NR4A1: variants seen among roughly 807,000 people sequenced by gnomAD.
The protein encoded by NR4A1 is nuclear receptor subfamily 4immunitygroup A member 1.
Under a neutral mutation model 47.5 loss-of-function variants are expected in NR4A1, and 24 were observed. The ratio of observed to expected loss-of-function variants is 0.50; its 90% CI spans 0.37 to 0.71. The LOEUF (loss-of-function observed/expected upper bound fraction) is 0.71, where lower values mean the gene tolerates loss of function less well. Among genes scored for constraint, NR4A1 ranks in the 30% least tolerant of loss-of-function variants. The pLI, the probability that NR4A1 is intolerant of heterozygous loss-of-function variation, is 0.00. For synonymous variants in NR4A1, 353 were observed against 345.7 expected (o/e 1.02, Z -0.24); for missense variants, 669 against 788.6 (o/e 0.85, Z 1.82).
intron 1 of NR4A1, among the ~76,000 whole-genome samples, chr12:52,028,627 C>T (rs995201158): frequency 3.3e-5 from 5 of 151,710 alleles, no homozygotes; most frequent in African/African-American, 9.7e-5. Context: ...AAGACCAGGC[C>T]AGGCGCGGTA....
At chr12:52,035,921 G>T (rs1201006455) in intron 1 of NR4A1, among the ~76,000 whole-genome samples, 1 of 152,128 alleles carries the variant, frequency 6.6e-6, no homozygotes, top group African/African-American at 2.4e-5. Flanking sequence ...GCTGCGTGGG[G>T]CCTGGGCTGG....
intron 2 of NR4A1, among the ~76,000 whole-genome samples, chr12:52,046,375 G>T (rs1352409656): frequency 6.6e-5 from 10 of 152,144 alleles, no homozygotes; most frequent in Non-Finnish European, 8.8e-5. Context: ...TCACATACTG[G>T]TCGGTGAGGG....
At chr12:52,028,176 T>G (rs1172370421) in intron 1 of NR4A1, among the ~76,000 whole-genome samples, 1 of 119,334 alleles carries the variant, frequency 8.4e-6, no homozygotes, top group Non-Finnish European at 1.6e-5. Context: ...CACTCCAGTC[T>G]GGGTGACAAA....
intron 1 of NR4A1, among the ~76,000 whole-genome samples, chr12:52,030,110 G>A (rs1938087980): frequency 1.3e-5 from 2 of 152,200 alleles, no homozygotes; most frequent in Admixed American, 1.3e-4. Flanking sequence ...GCAGGGTGTG[G>A]GCACAGGCAA....
chr12:52,055,636 TG>T, intron 2 of NR4A1: 3 of 406,316 alleles, frequency 7.4e-6, no homozygotes, highest in Non-Finnish European at 1.3e-5. Flanking sequence ...GGGAACAGGC[TG>T]TGTGTTTGTC....
At chr12:52,027,823 C>T (rs1938029389) in intron 1 of NR4A1, among the ~76,000 whole-genome samples, 1 of 152,232 alleles carries the variant, frequency 6.6e-6, no homozygotes, top group African/African-American at 2.4e-5. Context: ...TAGGCACATA[C>T]ACCCTTACTT....
At chr12:52,027,888 G>A (rs1938031066) in intron 1 of NR4A1, among the ~76,000 whole-genome samples, 1 of 152,146 alleles carries the variant, frequency 6.6e-6, no homozygotes, top group Non-Finnish European at 1.5e-5. Flanking sequence ...CCCAGCATAT[G>A]GTGATCATAT....
intron 2 of NR4A1, among the ~76,000 whole-genome samples, chr12:52,043,032 G>A (rs1054821473): frequency 1.3e-5 from 2 of 152,318 alleles, no homozygotes; most frequent in South Asian, 4.1e-4. Context: ...GGTGGCTGGG[G>A]TGGGGAGGAT....
chr12:52,048,166 A>C (rs1338796319), upstream of NR4A1, among the ~76,000 whole-genome samples: 2 of 151,086 alleles, frequency 1.3e-5, no homozygotes, highest in African/African-American at 4.9e-5. Context: ...ACAAAACAAA[A>C]ACAAAAAACA....
At chr12:52,045,772 G>A (rs559777949) in intron 2 of NR4A1, among the ~76,000 whole-genome samples, 1 of 152,350 alleles carries the variant, frequency 6.6e-6, no homozygotes, top group South Asian at 2.1e-4. Flanking sequence ...TGGGAGGCTG[G>A]TTTTGGGGAG....
At position 52,054,517 on chromosome 12, in the gene NR4A1, G is replaced by A. The variant is rs1034703721; in HGVS notation, c.189G>A (p.Glu63=). 5 of 1,613,844 alleles carry A rather than the reference G, an allele frequency of 3.1e-6. No individual in the cohort carries two copies. Among genetic ancestry groups the A allele is most frequent in the East Asian group, 2.2e-5 (1 of 44,884 alleles). Reference sequence around the variant, plus strand: ...CCTTCATGGACGGCTACACAGGAGAGTTTGACACCTTCCTCTACCAGCTGC... The same window carrying A: ...CCTTCATGGACGGCTACACAGGAGAATTTGACACCTTCCTCTACCAGCTGC... ...FSTFMDGYTG[E]FDTFLYQLPG... Residue 63 remains glutamate (E), a synonymous_variant, in exon 2 of 7, where the codon GAG becomes GAA. Transcript: ENST00000394825.
intron 1 of NR4A1, among the ~76,000 whole-genome samples, chr12:52,032,270 T>C (rs770511367): frequency 1.8e-4 from 28 of 152,210 alleles, no homozygotes; most frequent in Non-Finnish European, 3.7e-4. Flanking sequence ...GTTAAGGACC[T>C]GAATAGAATA....
intron 6 of NR4A1, among the ~76,000 whole-genome samples, chr12:52,057,826 A>G (rs7308974): frequency 4.9e-4 from 75 of 152,248 alleles, no homozygotes; most frequent in African/African-American, 1.8e-3. Context: ...CCTTCCTGTC[A>G]ATTATGCTGC....
chr12:52,055,124 C>A lies in NR4A1; in HGVS notation c.796C>A (p.Arg266Ser). 1.2e-6 allele frequency: 2 copies of A among 1,614,178 alleles called. No individual in the cohort carries two copies. ...CGGGGCCCCAGGTGGAAGTGAAGGC[C>A]GCTGTGCTGTGTGTGGGGACAACGC... ...RSGAPGGSEG[R>S]CAVCGDNASC... Residue 266 changes from arginine to serine, a missense_variant, in exon 2 of 7, where the codon CGC becomes AGC. Arg to Ser is a moderately radical substitution (Grantham distance 110). Transcript: ENST00000394825.
intron 1 of NR4A1, chr12:52,037,383 C>T: frequency 1.0e-6 from 1 of 985,806 alleles, no homozygotes; most frequent in Middle Eastern, 5.2e-4. Flanking sequence ...CAGCTCAGGG[C>T]CGGCTGGTGC....
intron 2 of NR4A1, chr12:52,045,367 A>T: frequency 3.2e-6 from 1 of 312,540 alleles, no homozygotes; most frequent in South Asian, 2.4e-5. Context: ...GGACTTGAGT[A>T]TGCATGGATT....
chr12:52,040,573 A>C (rs1318680947), intron 1 of NR4A1, among the ~76,000 whole-genome samples: 3 of 152,092 alleles, frequency 2.0e-5, no homozygotes, highest in Admixed American at 2.0e-4. Flanking sequence ...GGTGCTCCAG[A>C]TGTTCCAGTC....
rs751695998 is a variant in NR4A1, at chr12:52,057,438, T to C, written c.1448T>C (p.Ile483Thr). ...LQCARGFGDW[I>T]DSILAFSRSL... Reference sequence around the variant, plus strand: ...TGTGCCCGTGGCTTCGGGGACTGGATTGACAGTATCCTGGCCTTCTCAAGG... The same window carrying C: ...TGTGCCCGTGGCTTCGGGGACTGGACTGACAGTATCCTGGCCTTCTCAAGG... Residue 483 changes from isoleucine (I) to threonine (T), a missense_variant, in exon 6 of 7, where the codon ATT becomes ACT. Physicochemically the swap from Ile to Thr is moderately conservative, Grantham distance 89. Coordinates refer to ENST00000394825, the MANE Select transcript of NR4A1 (RefSeq NM_173157.3). The C allele has an allele frequency of 9.3e-6, 15 of 1,614,256 alleles. No individual in the cohort carries two copies. Among genetic ancestry groups the C allele is most frequent in the Non-Finnish European group, 1.3e-5 (15 of 1,180,036 alleles).
At chr12:52,056,183 G>A in intron 3 of NR4A1, 24 bp downstream of exon 3, 1 of 1,580,064 alleles carries the variant, frequency 6.3e-7, no homozygotes, top group Non-Finnish European at 8.6e-7. Flanking sequence ...GTGCGGCCCA[G>A]CGGGGCAAGG....
Sources: allele counts gnomAD v4.1 joint callset (sites outside exome capture counted in the v4.1 genomes callset), GRCh38; gene constraint gnomAD v4.1.1; transcripts MANE v1.5; gene names NCBI Gene and HGNC (gene_info 2026-07-23, HGNC 2026-07-21).